SMARCA4: variants seen among roughly 807,000 people sequenced by gnomAD.
SMARCA4 encodes SWI/SNF-related matrix-associated actin-dependent regulator of chromatin subfamily A member 4.
Under a neutral mutation model 193.9 loss-of-function variants are expected in SMARCA4, and 31 were observed. That is an observed-to-expected ratio of 0.16 (90% CI 0.12 to 0.22). The LOEUF is 0.22. Among genes scored for constraint, SMARCA4 ranks in the 10% least tolerant of loss-of-function variants. SMARCA4 has a pLI of 1.00. For missense variants in SMARCA4, 1,148 were observed against 2,296.0 expected (o/e 0.50, Z 10.22); for synonymous variants, 942 against 933.1 (o/e 1.01, Z -0.17).
intron 22 of SMARCA4, among the ~76,000 whole-genome samples, chr19:11,026,089 T>C (rs1298725822): frequency 6.6e-6 from 1 of 152,212 alleles, no homozygotes; most frequent in Admixed American, 6.5e-5. Context: ...GGATGTCCTT[T>C]CCTTCGTTGG....
intron 7 of SMARCA4, 112 bp from the exon 8 acceptor site, chr19:10,991,038 G>T: frequency 6.5e-7 from 1 of 1,535,298 alleles, no homozygotes. Flanking sequence ...GGTGTGTAAG[G>T]CACTTACAAT....
At chr19:11,059,393 G>A (rs2076729751) in intron 32 of SMARCA4, among the ~76,000 whole-genome samples, 1 of 152,204 alleles carries the variant, frequency 6.6e-6, no homozygotes, top group South Asian at 2.1e-4. Context: ...AAAAAGACTT[G>A]ACTTTGATGA....
At chr19:10,969,753 C>T (rs773279675) in intron 1 of SMARCA4, among the ~76,000 whole-genome samples, 3 of 152,174 alleles carry the variant, frequency 2.0e-5, no homozygotes, top group Admixed American at 2.0e-4. Context: ...TCTAACAGCA[C>T]GTCCCAGCCG....
At chr19:10,962,724 G>C (rs1291985541) in intron 1 of SMARCA4, among the ~76,000 whole-genome samples, 1 of 152,090 alleles carries the variant, frequency 6.6e-6, no homozygotes, top group African/African-American at 2.4e-5. Flanking sequence ...TGTATTTTTA[G>C]TAGATATGGG....
rs139054176 is a variant in SMARCA4 at position 10,996,078 on chromosome 19, C to T, written c.1594-135C>T. Reference sequence around the variant, plus strand: ...GATTCCTGAATGAGGAGTCGATTGCCGTGTGAAGGGCTGGTGGCACGGCAC... The same window carrying T: ...GATTCCTGAATGAGGAGTCGATTGCTGTGTGAAGGGCTGGTGGCACGGCAC... On this transcript the variant is annotated intron_variant, in intron 9 of 34. Transcript: ENST00000344626. The T allele has an allele frequency of 9.7e-4, 840 of 862,816 alleles. 8 individuals are homozygous for T. In the African/African-American group the frequency reaches 0.013, roughly 13 times the overall value. 53.4% of individuals were successfully genotyped at this position (862,816 alleles called of 1,614,324 possible).
rs1060504450 is a variant in SMARCA4 at position 10,986,196 on chromosome 19, C to T, written c.363C>T (p.Pro121=). The change falls in exon 4 of 35, where the codon CCC becomes CCT. Residue 121 remains proline (P), a synonymous_variant. Coordinates refer to ENST00000344626, the MANE Select transcript of SMARCA4 (RefSeq NM_003072.5). The surrounding 1 kb of genome is among the most constrained non-coding windows in gnomAD (Gnocchi z 6.7). ...SPMDQHSQGY[P]SPLGGSEHAS... ...GCTGACCTTTCTCTGCAGGTTACCC[C>T]TCGCCCCTGGGTGGCTCTGAGCATG... 6.2e-7 allele frequency: 1 copy of T among 1,613,818 alleles called. No individual in the cohort carries two copies. The highest frequency in any genetic ancestry group is 8.5e-7 in the Non-Finnish European group (1 of 1,179,928).
chr19:11,023,593 C>T lies in SMARCA4; in HGVS notation c.2935C>T (p.Arg979Ter), dbSNP rs769308802. Residue 979 changes from arginine to a stop codon, truncating the protein, a stop_gained, in exon 20 of 35, where the codon CGA becomes TGA. Transcript: ENST00000344626. LOFTEE classifies it high-confidence loss of function. The part of the protein sequence containing the change: ...HKVLRPFLLR[R>*]LKKEVEAQLP... ...AGTGCTGCGGCCCTTCTTGCTCCGA[C>T]GACTCAAGAAGGAAGTCGAGGCCCA... 1 of 1,612,626 alleles carries T rather than the reference C, an allele frequency of 6.2e-7. No individual in the cohort carries two copies. The highest frequency in any genetic ancestry group is 8.5e-7 in the Non-Finnish European group (1 of 1,179,306).
intron 30 of SMARCA4, among the ~76,000 whole-genome samples, chr19:11,051,627 A>G (rs1188546032): frequency 3.3e-5 from 5 of 151,284 alleles, no homozygotes; most frequent in Non-Finnish European, 5.9e-5. Context: ...AGTAGCTGGG[A>G]CTACAGGCAT....
chr19:11,007,429 CAAAAAAA>C (rs1188457080), intron 13 of SMARCA4, among the ~76,000 whole-genome samples: 1,655 of 56,142 alleles, frequency 0.029, 32 homozygotes, highest in African/African-American at 0.095. Context: ...CACTTCGTCT[CAAAAAAA>C]AAAAAAAAAA....
Position 11,058,430 on chromosome 19 carries a change from A to T in SMARCA4, c.4533+67A>T. 9.1e-7 allele frequency: 1 copy of T among 1,097,130 alleles called. No individual in the cohort carries two copies. The highest frequency in any genetic ancestry group is 1.3e-5 in the South Asian group (1 of 78,968). 68.0% of individuals were successfully genotyped at this position (1,097,130 alleles called of 1,614,324 possible). On this transcript the variant is annotated intron_variant, in intron 31 of 34. Coordinates refer to ENST00000344626, the MANE Select transcript of SMARCA4 (RefSeq NM_003072.5). The surrounding 1 kb of genome is among the most constrained non-coding windows in gnomAD (Gnocchi z 5.8). Reference sequence around the variant, plus strand: ...GGGAGTCTGACCCAGGGGCACCCCCATCTGAGAGCTGTGGTGTGTGGGCAG... The same window carrying T: ...GGGAGTCTGACCCAGGGGCACCCCCTTCTGAGAGCTGTGGTGTGTGGGCAG...
rs530331419 is a variant in SMARCA4, at chr19:11,028,378, C to T, written c.3382+428C>T. Reference sequence around the variant, plus strand: ...AGAGACTTTTCTCCAGCTCTTTGCTCTGCCTTCTTCCATCTTGGCTTCCTT... The same window carrying T: ...AGAGACTTTTCTCCAGCTCTTTGCTTTGCCTTCTTCCATCTTGGCTTCCTT... On this transcript the variant is annotated intron_variant, in intron 24 of 34. Coordinates refer to ENST00000344626, the MANE Select transcript of SMARCA4 (RefSeq NM_003072.5). Among the ~76,000 whole-genome samples the T allele has an allele frequency of 8.5e-5, 13 of 152,350 alleles. No homozygotes were observed. The South Asian group carries it at 2.3e-3, about 27-fold the overall frequency.
chr19:10,985,636 T>C lies in SMARCA4; in HGVS notation c.355+231T>C, dbSNP rs373917129. On this transcript the variant is annotated intron_variant, in intron 3 of 34. Transcript: ENST00000344626. This position sits in a 1 kb window ranked among gnomAD's most constrained non-coding sequence, Gnocchi z 4.5. ...GAAATGCTGGTTGGGGGGCAGACCATGTTCAGCATGGGTGATAGAGGAGGG... is the reference window on the plus strand; with the variant it reads ...GAAATGCTGGTTGGGGGGCAGACCACGTTCAGCATGGGTGATAGAGGAGGG... Among the ~76,000 whole-genome samples the C allele has an allele frequency of 2.3e-4, 35 of 152,114 alleles. No homozygotes were observed. Among genetic ancestry groups the C allele is most frequent in the African/African-American group, 7.2e-4 (30 of 41,412 alleles).
rs1264188302 is a variant in SMARCA4 at position 11,061,903 on chromosome 19, T to G, written c.*87T>G. ...TAGCAGTAACGGGTAGCAGCAGATGTAGTTTCAGACTTGGAGTAAAACTGT... is the reference window on the plus strand; with the variant it reads ...TAGCAGTAACGGGTAGCAGCAGATGGAGTTTCAGACTTGGAGTAAAACTGT... On this transcript the variant is annotated 3_prime_UTR_variant, in exon 35 of 35. Coordinates refer to ENST00000344626, the MANE Select transcript of SMARCA4 (RefSeq NM_003072.5). The G allele has an allele frequency of 1.6e-6, 2 of 1,230,786 alleles. No homozygotes were observed. The highest frequency in any genetic ancestry group is 2.4e-6 in the Non-Finnish European group (2 of 830,858). 76.2% of individuals were successfully genotyped at this position (1,230,786 alleles called of 1,614,324 possible).
intron 1 of SMARCA4, among the ~76,000 whole-genome samples, chr19:10,968,886 GCCTGGACTGGCTGGGCAC>G (rs1420123766): frequency 6.6e-6 from 1 of 152,216 alleles, no homozygotes; most frequent in Non-Finnish European, 1.5e-5. Context: ...TTCTGGCACA[GCCTGGACTGGCTGGGCAC>G]CTGAAGGCCT....
intron 16 of SMARCA4, among the ~76,000 whole-genome samples, chr19:11,014,872 G>A (rs918876920): frequency 6.6e-6 from 1 of 151,742 alleles, no homozygotes; most frequent in African/African-American, 2.4e-5. Flanking sequence ...GAGTGCAGTG[G>A]TGCCATCTTG....
intron 1 of SMARCA4, among the ~76,000 whole-genome samples, chr19:10,974,683 ATATATATTTTTTTTTTTTTTTT>A (rs1436096879): frequency 8.8e-5 from 4 of 45,410 alleles, no homozygotes; most frequent in African/African-American, 3.6e-4. Flanking sequence ...ATATATATAT[ATATATATTTTTTTTTTTTTTTT>A]TTTTTTTTTT....
rs780569107 is a variant in SMARCA4 at position 11,007,920 on chromosome 19, C to A, written c.2020C>A (p.Pro674Thr). The A allele has an allele frequency of 1.4e-5, 22 of 1,613,592 alleles. No homozygotes were observed. In the South Asian group the frequency reaches 2.4e-4, roughly 18 times the overall value. The change falls in exon 14 of 35, where the codon CCG becomes ACG. Residue 674 changes from proline (P) to threonine (T), a missense_variant. Pro to Thr is a conservative substitution (Grantham distance 38). Around this residue, in one of 17 missense-constraint regions of SMARCA4, gnomAD observed 115 missense variants for 175.1 expected, o/e 0.66. Coordinates refer to ENST00000344626, the MANE Select transcript of SMARCA4 (RefSeq NM_003072.5). ...EEEEEEEEEQ[P>T]QAAQPPTLPV... ...TTGGTAGGAGGAGGAGGAAGAGCAGCCGCAGGCAGCACAGCCTCCCACCCT... is the reference window on the plus strand; with the variant it reads ...TTGGTAGGAGGAGGAGGAAGAGCAGACGCAGGCAGCACAGCCTCCCACCCT...
intron 30 of SMARCA4, among the ~76,000 whole-genome samples, chr19:11,055,099 C>T (rs1365517390): frequency 6.6e-6 from 1 of 152,212 alleles, no homozygotes; most frequent in African/African-American, 2.4e-5. Context: ...GCGGAATCCT[C>T]AGACCGGCAA....
intron 1 of SMARCA4, among the ~76,000 whole-genome samples, chr19:10,971,052 T>C (rs2084628445): frequency 6.6e-6 from 1 of 152,056 alleles, no homozygotes; most frequent in South Asian, 2.1e-4. Context: ...CAAAATTAGC[T>C]GGGCGTGGTG....
Sources: gnomAD v4.1 joint callset for allele counts (sites outside exome capture counted in the v4.1 genomes callset) on GRCh38, gnomAD v4.1.1 for gene constraint, gnomAD v4.1.1 regional missense constraint, Gnocchi (gnomAD v3.1) non-coding constraint, MANE v1.5 for transcripts, NCBI Gene and HGNC (gene_info 2026-07-23, HGNC 2026-07-21) for gene names.